MTUS2: variants seen among roughly 807,000 people sequenced by gnomAD.
MTUS2 encodes microtubule associated scaffold protein 2, also known as microtubule-associated tumor suppressor candidate 2.
In MTUS2, 40 loss-of-function variants were observed where a neutral mutation model predicts 114.1. The ratio of observed to expected loss-of-function variants is 0.35; its 90% CI spans 0.27 to 0.46. The LOEUF (loss-of-function observed/expected upper bound fraction) is 0.46. MTUS2 is among the 20% of genes least tolerant of loss of function. The pLI, the probability that MTUS2 is intolerant of heterozygous loss-of-function variation, is 1.00. For missense variants in MTUS2, 1,679 were observed against 1,705.4 expected (o/e 0.98, Z 0.27); for synonymous variants, 688 against 672.0 (o/e 1.02, Z -0.37).
chr13:28,918,818 T>G (rs1880887482), intron 2 of MTUS2, among the ~76,000 whole-genome samples: 1 of 152,064 alleles, frequency 6.6e-6, no homozygotes, highest in South Asian at 2.1e-4. Flanking sequence ...ATTTCTTGCT[T>G]TTTAATTTGT....
intron 10 of MTUS2, among the ~76,000 whole-genome samples, chr13:29,486,856 G>T (rs1881646632): frequency 6.6e-6 from 1 of 152,186 alleles, no homozygotes; most frequent in Admixed American, 6.5e-5. Flanking sequence ...AAACACCGTT[G>T]TAGTGCATCC....
chr13:29,390,496 A>G (rs1341811945), intron 8 of MTUS2, among the ~76,000 whole-genome samples: 2 of 151,580 alleles, frequency 1.3e-5, no homozygotes, highest in Non-Finnish European at 2.9e-5. Flanking sequence ...TCTACTGAAA[A>G]TACAAAAATT....
chr13:28,886,396 G>A (rs1878594593), intron 2 of MTUS2, among the ~76,000 whole-genome samples: 2 of 152,248 alleles, frequency 1.3e-5, no homozygotes, highest in Admixed American at 1.3e-4. Flanking sequence ...AGGGTTAGTG[G>A]TGGAGGTGGG....
At chr13:29,421,594 A>G (rs1876113097) in intron 8 of MTUS2, among the ~76,000 whole-genome samples, 1 of 152,226 alleles carries the variant, frequency 6.6e-6, no homozygotes, top group African/African-American at 2.4e-5. Context: ...ATAGAGACCT[A>G]TCTTCAAGGC....
rs368830716 is a variant in MTUS2, at chr13:29,359,419, G to A, written c.3063G>A (p.Arg1021=). The change falls in exon 8 of 16, where the codon AGG becomes AGA. Residue 1021 remains arginine (R), a synonymous_variant. Coordinates refer to ENST00000612955, the MANE Select transcript of MTUS2 (RefSeq NM_001033602.4). ...QLGVAQGELK[R]AICGFDALAV... ...GCGTTGCGCAAGGGGAGCTGAAGAG[G>A]GCCATCTGCGGCTTTGATGCCCTCG... 7 of 1,613,304 alleles carry A rather than the reference G, an allele frequency of 4.3e-6. No individual in the cohort carries two copies. In the African/African-American group the frequency reaches 6.7e-5, roughly 15 times the overall value.
intron 5 of MTUS2, among the ~76,000 whole-genome samples, chr13:29,144,795 T>C (rs1009902619): frequency 6.6e-6 from 1 of 152,206 alleles, no homozygotes; most frequent in Middle Eastern, 3.2e-3. Flanking sequence ...TGCCATATTC[T>C]ATTGATTATA....
Position 29,421,515 on chromosome 13 carries a change from T to A in MTUS2, c.3118-18468T>A, listed in dbSNP as rs187018974. 2.4e-3 allele frequency among the ~76,000 whole-genome samples: 362 copies of A among 152,106 alleles called. 5 individuals are homozygous for A. Among genetic ancestry groups the A allele is most frequent in the Non-Finnish European group, 7.6e-4 (52 of 68,022 alleles). On this transcript the variant is annotated intron_variant, in intron 8 of 15. Transcript: ENST00000612955. ...AAACTGCATAGAACACCAAAATGCC[T>A]CTGCCACAGAGCCACCTTCGGCTTT...
At chr13:29,131,531 A>C (rs1262815846) in intron 5 of MTUS2, among the ~76,000 whole-genome samples, 2 of 152,264 alleles carry the variant, frequency 1.3e-5, no homozygotes, top group East Asian at 3.8e-4. Flanking sequence ...CTGCCTTCAC[A>C]TGGCCATGGC....
chr13:29,168,146 A>G (rs1029917386), intron 5 of MTUS2, among the ~76,000 whole-genome samples: 1 of 152,178 alleles, frequency 6.6e-6, no homozygotes, highest in East Asian at 1.9e-4. Context: ...TATTCTGAAC[A>G]TTAGCTGAAT....
At chr13:29,041,196 AATAT>A (rs1887340193) in intron 4 of MTUS2, among the ~76,000 whole-genome samples, 1 of 152,190 alleles carries the variant, frequency 6.6e-6, no homozygotes, top group South Asian at 2.1e-4. Context: ...CCATTTGTTG[AATAT>A]GGTGTGCTTT....
intron 5 of MTUS2, among the ~76,000 whole-genome samples, chr13:29,181,936 C>T (rs1057067923): frequency 6.6e-6 from 1 of 152,082 alleles, no homozygotes; most frequent in Non-Finnish European, 1.5e-5. Context: ...AAAGTGCTCT[C>T]ACATTGTACA....
In MTUS2 at chr13:28,966,741, A is replaced by C. The variant is rs111523736; in HGVS notation, c.-242-57716A>C. Reference sequence around the variant, plus strand: ...CCCTGTCTCAAAAAAAAAAAAAAAAAAAAAAAACAAAGAACTGATTATTAT... The same window carrying C: ...CCCTGTCTCAAAAAAAAAAAAAAAACAAAAAAACAAAGAACTGATTATTAT... On this transcript the variant is annotated intron_variant, in intron 2 of 15. Coordinates refer to ENST00000612955, the MANE Select transcript of MTUS2 (RefSeq NM_001033602.4). Among the ~76,000 whole-genome samples the C allele has an allele frequency of 9.0e-3, 1,362 of 151,614 alleles. 28 individuals are homozygous for C. The highest frequency in any genetic ancestry group is 0.031 in the African/African-American group (1,270 of 41,254).
Position 28,946,338 on chromosome 13 carries a change from TAC to T in MTUS2, c.-242-78109_-242-78108del, listed in dbSNP as rs377140008. 8.4e-4 allele frequency among the ~76,000 whole-genome samples: 127 copies of T among 151,832 alleles called. 1 individual carries two copies. Among genetic ancestry groups the T allele is most frequent in the African/African-American group, 2.8e-3 (116 of 41,412 alleles). On this transcript the variant is annotated intron_variant, in intron 2 of 15. Coordinates refer to ENST00000612955, the MANE Select transcript of MTUS2 (RefSeq NM_001033602.4). Reference sequence around the variant, plus strand: ...ACATACCTGCGTGCAAGTGTGCATGTACACACACACATGTGAGTTCCTGCTAA... The same window carrying T: ...ACATACCTGCGTGCAAGTGTGCATGTACACACACATGTGAGTTCCTGCTAA...
chr13:29,294,630 G>A (rs1898861719), intron 6 of MTUS2, among the ~76,000 whole-genome samples: 1 of 152,134 alleles, frequency 6.6e-6, no homozygotes, highest in African/African-American at 2.4e-5. Context: ...AAAAGCTCAT[G>A]GGGCAAAGTT....
At chr13:29,126,804 C>T (rs1202166007) in intron 5 of MTUS2, among the ~76,000 whole-genome samples, 1 of 152,174 alleles carries the variant, frequency 6.6e-6, no homozygotes, top group Non-Finnish European at 1.5e-5. Context: ...TGCGTCTCTA[C>T]TCAGGAGCTG....
intron 4 of MTUS2, 24 bp from the exon 5 acceptor site, chr13:29,100,749 T>TA: frequency 6.5e-7 from 1 of 1,548,248 alleles, no homozygotes; most frequent in Non-Finnish European, 8.7e-7. Flanking sequence ...AATAATTTTT[T>TA]AATTTTATTT....
chr13:29,058,265 C>A (rs766914918), intron 4 of MTUS2, among the ~76,000 whole-genome samples: 35 of 148,760 alleles, frequency 2.4e-4, no homozygotes, highest in Non-Finnish European at 4.6e-4. Context: ...TAGGGATGGT[C>A]ATCTTGTATA....
At chr13:29,341,215 G>A (rs1383054113) in intron 7 of MTUS2, among the ~76,000 whole-genome samples, 3 of 152,110 alleles carry the variant, frequency 2.0e-5, no homozygotes, top group Non-Finnish European at 4.4e-5. Context: ...AGTTCTTTAA[G>A]GAGTCTCCAC....
chr13:28,990,077 T>C (rs1036530897), intron 2 of MTUS2, among the ~76,000 whole-genome samples: 4 of 152,266 alleles, frequency 2.6e-5, no homozygotes, highest in African/African-American at 9.6e-5. Flanking sequence ...GGATGTCTTG[T>C]GGATTGGGGC....
Sources: gnomAD v4.1 joint callset for allele counts (sites outside exome capture counted in the v4.1 genomes callset) on GRCh38, gnomAD v4.1.1 for gene constraint, MANE v1.5 for transcripts, NCBI Gene and HGNC (gene_info 2026-07-23, HGNC 2026-07-21) for gene names.